ITPR1: variants seen among roughly 807,000 people sequenced by gnomAD.
The protein encoded by ITPR1 is inositol 1,4,5-trisphosphate-gated calcium channel ITPR1.
Under a neutral mutation model 318.4 loss-of-function variants are expected in ITPR1, and 96 were observed. That is an observed-to-expected ratio of 0.30 (90% CI 0.26 to 0.36). ITPR1 has a LOEUF of 0.36. ITPR1 is among the 10% of genes least tolerant of loss of function. The probability of loss-of-function intolerance (pLI) is 1.00; values close to 1 mark genes in which losing one functional copy is unlikely to be tolerated. For synonymous variants in ITPR1, 1,312 were observed against 1,289.9 expected (o/e 1.02, Z -0.37); for missense variants, 2,440 against 3,460.2 (o/e 0.71, Z 7.40).
chr3:4,636,522 G>A (rs752834279), intron 5 of ITPR1, among the ~76,000 whole-genome samples: 1 of 152,134 alleles, frequency 6.6e-6, no homozygotes, highest in Non-Finnish European at 1.5e-5. Flanking sequence ...TCCGCTTCCC[G>A]GGTTCCAGTG....
At chr3:4,761,994 A>T (rs577118938) in intron 44 of ITPR1, among the ~76,000 whole-genome samples, 1 of 152,292 alleles carries the variant, frequency 6.6e-6, no homozygotes, top group East Asian at 1.9e-4. Flanking sequence ...CAGCAATTCC[A>T]GAAGGCCCTC....
chr3:4,676,632 C>A lies in ITPR1; in HGVS notation c.2798C>A (p.Ser933Tyr). The part of the protein sequence containing the change: ...EKLKSSNVMR[S>Y]IHGVGELMTQ... Reference sequence around the variant, plus strand: ...TTCCTAGGCAGTAACGTGATGAGATCTATTCATGGCGTGGGAGAGCTGATG... The same window carrying A: ...TTCCTAGGCAGTAACGTGATGAGATATATTCATGGCGTGGGAGAGCTGATG... Residue 933 changes from serine to tyrosine, a missense_variant, in exon 24 of 62, where the codon TCT (serine) becomes TAT (tyrosine). By Grantham distance (144) the Ser-to-Tyr change is moderately radical. This residue lies in a region of ITPR1 where 478 missense variants were observed against 696.3 expected (regional missense o/e 0.69). Coordinates refer to ENST00000649015, the MANE Select transcript of ITPR1 (RefSeq NM_001378452.1). The A allele has an allele frequency of 1.2e-6, 2 of 1,613,602 alleles. No individual in the cohort carries two copies. The highest frequency in any genetic ancestry group is 1.7e-6 in the Non-Finnish European group (2 of 1,179,686).
chr3:4,628,944 T>C (rs112230395), intron 5 of ITPR1, among the ~76,000 whole-genome samples: 17 of 152,330 alleles, frequency 1.1e-4, no homozygotes, highest in African/African-American at 4.1e-4. Context: ...CCAGCTGCAT[T>C]TGGTCAGGTG....
At chr3:4,629,713 A>G (rs1220537235) in intron 5 of ITPR1, among the ~76,000 whole-genome samples, 1 of 152,256 alleles carries the variant, frequency 6.6e-6, no homozygotes, top group African/African-American at 2.4e-5. Context: ...TAAGTACTAT[A>G]TTACAGGACA....
At chr3:4,594,133 G>A (rs1336784557) in intron 4 of ITPR1, among the ~76,000 whole-genome samples, 1 of 152,162 alleles carries the variant, frequency 6.6e-6, no homozygotes, top group Non-Finnish European at 1.5e-5. Context: ...AAGTGAGAGA[G>A]AGAAGTTGAA....
intron 44 of ITPR1, among the ~76,000 whole-genome samples, chr3:4,739,386 C>T (rs534375399): frequency 4.6e-5 from 7 of 152,126 alleles, no homozygotes; most frequent in Non-Finnish European, 1.0e-4. Context: ...TCTTGAGATC[C>T]ATGTTTCCTG....
intron 2 of ITPR1, among the ~76,000 whole-genome samples, chr3:4,497,209 T>C (rs998785874): frequency 4.6e-5 from 7 of 152,274 alleles, no homozygotes; most frequent in South Asian, 2.1e-4. Flanking sequence ...TGATTGCTAA[T>C]GAGAATAAGC....
intron 55 of ITPR1, among the ~76,000 whole-genome samples, 153 bp downstream of exon 55, chr3:4,806,420 T>TCTCA (rs2048557509): frequency 6.6e-6 from 1 of 152,196 alleles, no homozygotes; most frequent in African/African-American, 2.4e-5. Flanking sequence ...TTGGGGGATC[T>TCTCA]GAGAGGAAAG....
intron 36 of ITPR1, among the ~76,000 whole-genome samples, chr3:4,704,000 T>G (rs767609665): frequency 2.0e-5 from 3 of 152,234 alleles, no homozygotes. Context: ...TGAACTAATG[T>G]GGAAGTAGAA....
At chr3:4,745,280 A>G (rs1274949417) in intron 44 of ITPR1, among the ~76,000 whole-genome samples, 2 of 151,782 alleles carry the variant, frequency 1.3e-5, no homozygotes, top group African/African-American at 4.8e-5. Context: ...CTCTCCCCAC[A>G]TAGCCTCTGC....
intron 52 of ITPR1, among the ~76,000 whole-genome samples, chr3:4,792,767 G>A (rs2125412372): frequency 6.6e-6 from 1 of 152,276 alleles, no homozygotes; most frequent in East Asian, 1.9e-4. Flanking sequence ...AGTCTCAGAA[G>A]GCATGAACCA....
chr3:4,534,387 A>G (rs1207944107), intron 4 of ITPR1, among the ~76,000 whole-genome samples: 1 of 152,198 alleles, frequency 6.6e-6, no homozygotes, highest in Non-Finnish European at 1.5e-5. Flanking sequence ...ATCTCTCCCC[A>G]AGGTGAGTGG....
At chr3:4,611,231 C>CAAAAAAAAAAAAAAA (rs748883296) in intron 4 of ITPR1, among the ~76,000 whole-genome samples, 1 of 101,040 alleles carries the variant, frequency 9.9e-6, no homozygotes, top group Non-Finnish European at 1.8e-5. Flanking sequence ...CTCATCTCTA[C>CAAAAAAAAAAAAAAA]AAAAAAAAAA....
At chr3:4,618,467 C>G (rs975107565) in intron 4 of ITPR1, among the ~76,000 whole-genome samples, 1 of 152,086 alleles carries the variant, frequency 6.6e-6, no homozygotes, top group African/African-American at 2.4e-5. Flanking sequence ...GAGTTATGTC[C>G]CAGTTTTCTG....
At chr3:4,500,059 C>T (rs141220875) in intron 2 of ITPR1, among the ~76,000 whole-genome samples, 36 of 152,326 alleles carry the variant, frequency 2.4e-4, no homozygotes, top group African/African-American at 8.4e-4. Flanking sequence ...CCTGAGATTT[C>T]GACACAGCCC....
At chr3:4,562,189 G>A (rs191898317) in intron 4 of ITPR1, among the ~76,000 whole-genome samples, 3 of 152,226 alleles carry the variant, frequency 2.0e-5, no homozygotes, top group South Asian at 2.1e-4. Flanking sequence ...ATCCTGGGCC[G>A]TGGGTTGGAC....
rs754434409 is a variant in ITPR1, at chr3:4,775,397, G to C, written c.6135G>C (p.Leu2045=). The C allele has an allele frequency of 6.2e-7, 1 of 1,613,714 alleles. No homozygotes were observed. The highest frequency in any genetic ancestry group is 1.3e-5 in the African/African-American group (1 of 74,892). ...ATGTAGCGCTTATCAACCAAACCCT[G>C]GAAAGTCTGACCGAATACTGTCAAG... ...EKNVALINQT[L]ESLTEYCQGP... The change falls in exon 47 of 62, where the codon CTG becomes CTC. Residue 2045 remains leucine (L), a synonymous_variant. Transcript: ENST00000649015.
chr3:4,675,242 C>A lies in ITPR1; in HGVS notation c.2773C>A (p.Leu925Met). Reference sequence around the variant, plus strand: ...TAAAGGTAACAATGATGTGGAGAAGCTGAAGAGTGAGTATCTGAGGGTGCC... The same window carrying A: ...TAAAGGTAACAATGATGTGGAGAAGATGAAGAGTGAGTATCTGAGGGTGCC... The part of the protein sequence containing the change: ...ENKGNNDVEK[L>M]KSSNVMRSIH... Residue 925 changes from leucine (L) to methionine (M), a missense_variant, in exon 23 of 62, where the codon CTG (leucine) becomes ATG (methionine). This residue lies in a region of ITPR1 where 478 missense variants were observed against 696.3 expected (regional missense o/e 0.69). Coordinates refer to ENST00000649015, the MANE Select transcript of ITPR1 (RefSeq NM_001378452.1). 1 of 1,607,658 alleles carries A rather than the reference C, an allele frequency of 6.2e-7. No homozygotes were observed. Among genetic ancestry groups the A allele is most frequent in the Non-Finnish European group, 8.5e-7 (1 of 1,177,718 alleles).
chr3:4,720,582 A>T (rs185645668), intron 40 of ITPR1, among the ~76,000 whole-genome samples: 119 of 152,234 alleles, frequency 7.8e-4, no homozygotes, highest in African/African-American at 2.6e-3. Context: ...CGTATTTGAG[A>T]TGTGATTCCC....
Sources: gnomAD v4.1 joint callset for allele counts (sites outside exome capture counted in the v4.1 genomes callset) on GRCh38, gnomAD v4.1.1 for gene constraint, gnomAD v4.1.1 regional missense constraint, MANE v1.5 for transcripts, NCBI Gene and HGNC (gene_info 2026-07-23, HGNC 2026-07-21) for gene names.